SH3PXD2A: variants seen among roughly 807,000 people sequenced by gnomAD.
SH3PXD2A encodes SH3 and PX domains 2A.
A neutral mutation model predicts 115.2 loss-of-function variants in SH3PXD2A; 32 were observed. That is an observed-to-expected ratio of 0.28 (90% CI 0.21 to 0.37). SH3PXD2A has a LOEUF of 0.37. Among genes scored for constraint, SH3PXD2A ranks in the 10% least tolerant of loss-of-function variants. The pLI is 1.00. For missense variants in SH3PXD2A, 1,328 were observed against 1,498.7 expected (o/e 0.89, Z 1.88); for synonymous variants, 610 against 629.1 (o/e 0.97, Z 0.45).
chr10:103,662,777 C>G (rs958689583), intron 7 of SH3PXD2A, among the ~76,000 whole-genome samples: 3 of 152,284 alleles, frequency 2.0e-5, no homozygotes, highest in Admixed American at 6.5e-5. Context: ...GAAGCCTTCT[C>G]AGACCACCCC....
intron 5 of SH3PXD2A, among the ~76,000 whole-genome samples, chr10:103,702,116 T>A (rs984993192): frequency 4.6e-5 from 7 of 150,734 alleles, no homozygotes; most frequent in Middle Eastern, 3.5e-3. Context: ...CCATCCATCA[T>A]CCATCCATCA....
intron 2 of SH3PXD2A, among the ~76,000 whole-genome samples, chr10:103,791,574 T>A (rs571438169): frequency 2.1e-4 from 32 of 152,116 alleles, no homozygotes; most frequent in Non-Finnish European, 3.8e-4. Flanking sequence ...TCTCAGGGCC[T>A]GAGCTCAGCC....
intron 3 of SH3PXD2A, among the ~76,000 whole-genome samples, chr10:103,751,914 AGCCGGTATTCAT>A (rs2038584150): frequency 1.3e-5 from 2 of 152,340 alleles, no homozygotes; most frequent in East Asian, 3.9e-4. Flanking sequence ...TCTGCTGCCC[AGCCGGTATTCAT>A]GCCTCCTGAT....
chr10:103,749,044 C>G (rs938729587), intron 3 of SH3PXD2A, among the ~76,000 whole-genome samples: 2 of 152,008 alleles, frequency 1.3e-5, no homozygotes, highest in Non-Finnish European at 2.9e-5. Context: ...GCATGTGCCA[C>G]CACACCTGGC....
chr10:103,618,364 C>T (rs2036551873), intron 10 of SH3PXD2A, among the ~76,000 whole-genome samples: 1 of 152,206 alleles, frequency 6.6e-6, no homozygotes, highest in Non-Finnish European at 1.5e-5. Context: ...CCAGGAAGCC[C>T]CTGATAGGTA....
At chr10:103,719,084 T>G (rs1030118719) in intron 5 of SH3PXD2A, among the ~76,000 whole-genome samples, 2 of 152,170 alleles carry the variant, frequency 1.3e-5, no homozygotes, top group Admixed American at 6.5e-5. Context: ...CTTCCCAGCC[T>G]CTTTCATAAG....
chr10:103,791,052 T>C (rs879411864), intron 2 of SH3PXD2A, among the ~76,000 whole-genome samples: 3 of 152,110 alleles, frequency 2.0e-5, no homozygotes, highest in Non-Finnish European at 4.4e-5. Context: ...CCCCCAAGGC[T>C]CCTAGCACTC....
chr10:103,823,761 C>T (rs1333995503), intron 1 of SH3PXD2A, among the ~76,000 whole-genome samples: 2 of 152,176 alleles, frequency 1.3e-5, no homozygotes, highest in East Asian at 3.9e-4. Flanking sequence ...AACTCACAGA[C>T]TTTGGAAAGC....
At chr10:103,698,723 A>T (rs963819771) in intron 5 of SH3PXD2A, among the ~76,000 whole-genome samples, 1 of 152,164 alleles carries the variant, frequency 6.6e-6, no homozygotes, top group Non-Finnish European at 1.5e-5. Context: ...CAGAAGAGAT[A>T]TATGTGACAT....
chr10:103,855,127 AGGGGCCATCC>A, intron 1 of SH3PXD2A, 58 bp downstream of exon 1: 1 of 1,200,306 alleles, frequency 8.3e-7, no homozygotes, highest in South Asian at 1.5e-5. Context: ...GGGAGGGGCA[AGGGGCCATCC>A]GGGGCCCTCC....
At chr10:103,752,316 T>C (rs533938264) in intron 3 of SH3PXD2A, among the ~76,000 whole-genome samples, 103 of 152,226 alleles carry the variant, frequency 6.8e-4, no homozygotes, top group Non-Finnish European at 1.1e-3. Flanking sequence ...CTTTGCATGA[T>C]ATTCCATTAT....
intron 8 of SH3PXD2A, among the ~76,000 whole-genome samples, chr10:103,648,852 C>T (rs999835751): frequency 2.0e-5 from 3 of 152,224 alleles, no homozygotes; most frequent in African/African-American, 4.8e-5. Flanking sequence ...GTGTGCACAC[C>T]CTTTGGCTGC....
At position 103,627,159 on chromosome 10, in the gene SH3PXD2A, A is replaced by G. The variant is rs750850642; in HGVS notation, c.648T>C (p.Pro216=). The change falls in exon 9 of 15, where the codon CCT becomes CCC. Residue 216 remains proline, a synonymous_variant. Coordinates refer to ENST00000369774, the MANE Select transcript of SH3PXD2A (RefSeq NM_001394015.1). The surrounding 1 kb of genome is among the most constrained non-coding windows in gnomAD (Gnocchi z 4.4). Reference sequence around the variant, plus strand: ...CATTCTGGGCCTCCAGGTAGGTGGCAGGGACCCAGCCCTGCTCCTCAGAAG... The same window carrying G: ...CATTCTGGGCCTCCAGGTAGGTGGCGGGGACCCAGCCCTGCTCCTCAGAAG... ...VSTSEEQGWV[P]ATYLEAQNGT... 1.9e-6 allele frequency: 3 copies of G among 1,613,622 alleles called. No individual in the cohort carries two copies. The South Asian group carries it at 3.3e-5, about 18-fold the overall frequency.
At chr10:103,716,762 T>C (rs1328911312) in intron 5 of SH3PXD2A, among the ~76,000 whole-genome samples, 1 of 152,320 alleles carries the variant, frequency 6.6e-6, no homozygotes, top group East Asian at 1.9e-4. Flanking sequence ...GTGATATGGG[T>C]GCACCAAAGG....
chr10:103,726,359 G>A (rs751795534), intron 4 of SH3PXD2A, among the ~76,000 whole-genome samples: 16 of 152,154 alleles, frequency 1.1e-4, no homozygotes, highest in African/African-American at 3.1e-4. Context: ...CATGAGGGTC[G>A]TCCTCATGAG....
rs45564336 is a variant in SH3PXD2A, at chr10:103,724,260, T to C, written c.398+10A>G. 175,578 of 1,515,444 alleles carry C rather than the reference T, an allele frequency of 0.12. 10,935 individuals carry two copies. The highest frequency in any genetic ancestry group is 0.16 in the African/African-American group (11,430 of 70,208). 93.9% of individuals were successfully genotyped at this position (1,515,444 alleles called of 1,614,324 possible). On this transcript the variant is annotated intron_variant, in intron 5 of 14. Coordinates refer to ENST00000369774, the MANE Select transcript of SH3PXD2A (RefSeq NM_001394015.1). ...CCCAGCACACAGGAGAGGCCTGAGC[T>C]ATTACTTACTCTTTTGGAGGGTTGA...
intron 1 of SH3PXD2A, among the ~76,000 whole-genome samples, chr10:103,803,530 C>T (rs1425549680): frequency 1.3e-5 from 2 of 152,106 alleles, no homozygotes; most frequent in African/African-American, 2.4e-5. Context: ...CCATATTGTA[C>T]AAGAAGAAGG....
At chr10:103,713,822 A>G (rs11191779) in intron 5 of SH3PXD2A, among the ~76,000 whole-genome samples, 28,175 of 152,224 alleles carry the variant, frequency 0.19, 2,930 homozygotes, top group East Asian at 0.29. Context: ...GGGAGGAGCC[A>G]GGGTTTGCCA....
chr10:103,720,872 T>C (rs1346551022), intron 5 of SH3PXD2A, among the ~76,000 whole-genome samples: 1 of 152,038 alleles, frequency 6.6e-6, no homozygotes, highest in Non-Finnish European at 1.5e-5. Context: ...TGGTGGGTCC[T>C]GGAGGCGGAG....
Sources: allele counts gnomAD v4.1 joint callset (sites outside exome capture counted in the v4.1 genomes callset), GRCh38; gene constraint gnomAD v4.1.1; non-coding constraint Gnocchi (gnomAD v3.1); transcripts MANE v1.5; gene names NCBI Gene and HGNC (gene_info 2026-07-23, HGNC 2026-07-21).